The following CEACAM6 variants were observed in gnomAD, a reference collection of about 807,000 sequenced individuals.
CEACAM6 encodes CEA cell adhesion molecule 6.
Under a neutral mutation model 32.4 loss-of-function variants are expected in CEACAM6, and 21 were observed. The observed-to-expected ratio is 0.65, with a 90% CI of 0.46 to 0.93. CEACAM6 has a LOEUF of 0.93. Ranked by LOEUF, CEACAM6 falls within the 40% of genes least tolerant of loss-of-function variation. The pLI is 0.00. For synonymous variants in CEACAM6, 184 were observed against 174.4 expected, an observed-to-expected ratio of 1.06 and a Z score of -0.43; for missense variants, 406 against 432.2, an observed-to-expected ratio of 0.94 and a Z score of 0.54.
chr19:41,766,251 C>G lies in CEACAM6; in HGVS notation c.1027C>G (p.Leu343Val). The G allele has an allele frequency of 6.3e-7, 1 of 1,597,766 alleles. No homozygotes were observed. Among genetic ancestry groups the G allele is most frequent in the East Asian group, 2.3e-5 (1 of 43,256 alleles). Reference sequence around the variant, plus strand: ...GATTGGAGTGCTGGCCAGGGTGGCTCTGATATAGCAGCCCTGGTGTATTTT... The same window carrying G: ...GATTGGAGTGCTGGCCAGGGTGGCTGTGATATAGCAGCCCTGGTGTATTTT... ...ITIGVLARVA[L>V]I Residue 343 changes from leucine (L) to valine (V), a missense_variant, in exon 5 of 6, where the codon CTG becomes GTG. Transcript: ENST00000199764.
At position 41,771,628 on chromosome 19, in the gene CEACAM6, A is replaced by T. The variant is rs1281929051; in HGVS notation, c.*867A>T. 6.6e-6 allele frequency: 1 copy of T among 152,226 alleles called. No homozygotes were observed. Among genetic ancestry groups the T allele is most frequent in the Non-Finnish European group, 1.5e-5 (1 of 68,042 alleles). 9.4% of individuals were successfully genotyped at this position (152,226 alleles called of 1,614,324 possible). A position where few individuals can be genotyped will look rare whatever the true frequency, so the allele number is the denominator to read the frequency against. On this transcript the variant is annotated 3_prime_UTR_variant, in exon 6 of 6. Transcript: ENST00000199764. ...GTATTACCCTCCTAATAGTCATACTAGTAGTCATACTCCCTGGTGTAGTGT... is the reference window on the plus strand; with the variant it reads ...GTATTACCCTCCTAATAGTCATACTTGTAGTCATACTCCCTGGTGTAGTGT...
intron 5 of CEACAM6, among the ~76,000 whole-genome samples, chr19:41,769,200 C>T (rs1411397937): frequency 2.6e-5 from 4 of 152,118 alleles, no homozygotes; most frequent in Admixed American, 1.3e-4. Context: ...CCGCCTCAGC[C>T]TCCCAAAGTG....
intron 2 of CEACAM6, among the ~76,000 whole-genome samples, chr19:41,759,519 C>T (rs1210856612): frequency 6.6e-6 from 1 of 152,176 alleles, no homozygotes; most frequent in African/African-American, 2.4e-5. Flanking sequence ...CTAAGACTTC[C>T]TCTCCTACTG....
At chr19:41,768,934 G>C (rs1482171645) in intron 5 of CEACAM6, among the ~76,000 whole-genome samples, 1 of 152,110 alleles carries the variant, frequency 6.6e-6, no homozygotes, top group Non-Finnish European at 1.5e-5. Context: ...TGTTTGGTGG[G>C]GGGGTTGTTT....
Position 41,761,378 on chromosome 19 carries a change from T to A in CEACAM6, c.554T>A (p.Leu185His), listed in dbSNP as rs782702223. Residue 185 changes from leucine (L) to histidine (H), a missense_variant, in exon 3 of 6, where the codon CTC becomes CAC. By Grantham distance (99) the Leu-to-His change is moderately conservative. Coordinates refer to ENST00000199764, the MANE Select transcript of CEACAM6 (RefSeq NM_002483.7). ...CTGTGGTGGGTAAATGGTCAGAGCC[T>A]CCCGGTCAGTCCCAGGCTGCAGCTG... ...TYLWWVNGQSLPVSPRLQLSN... is the reference protein window; with the variant it reads ...TYLWWVNGQSHPVSPRLQLSN... 47 of 1,614,014 alleles carry A rather than the reference T, an allele frequency of 2.9e-5. No homozygotes were observed. Among genetic ancestry groups the A allele is most frequent in the Non-Finnish European group, 3.9e-5 (46 of 1,180,026 alleles).
At chr19:41,759,408 G>A (rs1020454972) in intron 2 of CEACAM6, among the ~76,000 whole-genome samples, 1 of 152,188 alleles carries the variant, frequency 6.6e-6, no homozygotes, top group East Asian at 1.9e-4. Context: ...TTGCCTAACT[G>A]CACAGGAATT....
intron 4 of CEACAM6, among the ~76,000 whole-genome samples, chr19:41,763,330 C>A (rs1466925173): frequency 6.6e-6 from 1 of 152,148 alleles, no homozygotes; most frequent in African/African-American, 2.4e-5. Flanking sequence ...GTCTCCCGCT[C>A]AAACCCCCAT....
Position 41,771,864 on chromosome 19 carries a change from G to C in CEACAM6, c.*1103G>C, listed in dbSNP as rs1247562995. The C allele has an allele frequency of 6.6e-6, 1 of 152,106 alleles. No individual in the cohort carries two copies. The highest frequency in any genetic ancestry group is 2.4e-5 in the African/African-American group (1 of 41,388). The allele number at this position is 152,106 out of a possible 1,614,324, so 9.4% of individuals were successfully genotyped here. A position where few individuals can be genotyped will look rare whatever the true frequency, so the allele number is the denominator to read the frequency against. The stretch of plus-strand genomic sequence containing the variant: ...TCACCTAGGTGAGCGCATTGAGCCA[G>C]TGGTGCTAAATGCTACATACTCCAA... On this transcript the variant is annotated 3_prime_UTR_variant, in exon 6 of 6. Transcript: ENST00000199764.
At chr19:41,763,802 A>G (rs566571616) in intron 4 of CEACAM6, among the ~76,000 whole-genome samples, 112 of 152,312 alleles carry the variant, frequency 7.4e-4, no homozygotes, top group African/African-American at 2.6e-3. Context: ...GGAGCTGCCC[A>G]AGCCCTCGGT....
rs145522517 is a variant in CEACAM6, at chr19:41,756,812, C to G, written c.277C>G (p.Pro93Ala). The change falls in exon 2 of 6, where the codon CCC (proline) becomes GCC (alanine). Residue 93 changes from proline to alanine, a missense_variant. Coordinates refer to ENST00000199764, the MANE Select transcript of CEACAM6 (RefSeq NM_002483.7). ...VIGTQQATPG[P>A]AYSGRETIYP... ...AGGAACTCAACAAGCTACCCCAGGG[C>G]CCGCATACAGTGGTCGAGAGACAAT... 20 of 1,614,142 alleles carry G rather than the reference C, an allele frequency of 1.2e-5. No individual in the cohort carries two copies. The East Asian group carries it at 1.6e-4, about 13-fold the overall frequency.
chr19:41,764,801 T>A, intron 4 of CEACAM6, among the ~76,000 whole-genome samples: 1 of 152,360 alleles, frequency 6.6e-6, no homozygotes, highest in Admixed American at 6.5e-5. Context: ...GTTCTTTTTC[T>A]ATATCCTGAA....
At chr19:41,768,577 C>T (rs1555822610) in intron 5 of CEACAM6, among the ~76,000 whole-genome samples, 2 of 152,266 alleles carry the variant, frequency 1.3e-5, no homozygotes, top group African/African-American at 4.8e-5. Flanking sequence ...CACAAAACTG[C>T]CATTGTCATC....
chr19:41,760,243 A>G (rs1204635327), intron 2 of CEACAM6, among the ~76,000 whole-genome samples: 1 of 152,216 alleles, frequency 6.6e-6, no homozygotes, highest in Non-Finnish European at 1.5e-5. Flanking sequence ...GGGACCTCAT[A>G]TAAGTGGAAC....
chr19:41,757,029 C>T (rs2072892558), intron 2 of CEACAM6, 70 bp downstream of exon 2: 1 of 1,545,750 alleles, frequency 6.5e-7, no homozygotes, highest in African/African-American at 1.4e-5. Flanking sequence ...ATTGTCAGGC[C>T]TGGGTTGTGC....
chr19:41,765,454 T>C (rs2072950559), intron 4 of CEACAM6, among the ~76,000 whole-genome samples: 1 of 152,196 alleles, frequency 6.6e-6, no homozygotes, highest in South Asian at 2.1e-4. Flanking sequence ...CCTGGTATGT[T>C]AGCTTTCATC....
intron 2 of CEACAM6, among the ~76,000 whole-genome samples, chr19:41,757,538 C>T (rs1555821324): frequency 6.6e-6 from 1 of 152,114 alleles, no homozygotes; most frequent in African/African-American, 2.4e-5. Context: ...GAGGATAGGG[C>T]CTCCTCCTTC....
At chr19:41,758,846 GA>G (rs1312629169) in intron 2 of CEACAM6, among the ~76,000 whole-genome samples, 1 of 152,192 alleles carries the variant, frequency 6.6e-6, no homozygotes, top group Non-Finnish European at 1.5e-5. Flanking sequence ...AGAAGGCACA[GA>G]AATCAGCCGG....
intron 1 of CEACAM6, 139 bp from the exon 2 acceptor site, chr19:41,756,453 GACACACAC>G (rs4060857): frequency 0.015 from 13,352 of 915,484 alleles, 66 homozygotes; most frequent in African/African-American, 0.051. Context: ...GACTCAGTAG[GACACACAC>G]ACACACACAC....
intron 4 of CEACAM6, among the ~76,000 whole-genome samples, chr19:41,764,382 G>A (rs1479496786): frequency 1.3e-5 from 2 of 151,996 alleles, no homozygotes; most frequent in Non-Finnish European, 2.9e-5. Context: ...AACCCCCTGG[G>A]CTCAAGTGAT....
Sources: gnomAD v4.1 joint callset for allele counts (sites outside exome capture counted in the v4.1 genomes callset) on GRCh38, gnomAD v4.1.1 for gene constraint, MANE v1.5 for transcripts, NCBI Gene and HGNC (gene_info 2026-07-23, HGNC 2026-07-21) for gene names.